Variants in DPP10 observed in about 807,000 individuals in gnomAD.
DPP10 encodes dipeptidyl peptidase like 10.
A neutral mutation model predicts 120.9 loss-of-function variants in DPP10; 33 were observed. The observed-to-expected ratio is 0.27, with a 90% confidence interval of 0.21 to 0.37. The LOEUF is 0.37. DPP10 is among the 10% of genes least tolerant of loss of function. The pLI, the probability that DPP10 is intolerant of heterozygous loss-of-function variation, is 1.00. For missense variants in DPP10, 816 were observed against 942.8 expected (o/e 0.87, Z 1.76); for synonymous variants, 337 against 326.1 (o/e 1.03, Z -0.36).
chr2:115,110,607 GAACT>G (rs913813041), intron 1 of DPP10, among the ~76,000 whole-genome samples: 2 of 151,816 alleles, frequency 1.3e-5, no homozygotes, highest in African/African-American at 2.4e-5. Context: ...TTAAATTAGA[GAACT>G]ATCTATAGCA....
At chr2:114,873,018 C>T (rs1690824566) in intron 1 of DPP10, among the ~76,000 whole-genome samples, 1 of 152,162 alleles carries the variant, frequency 6.6e-6, no homozygotes, top group Non-Finnish European at 1.5e-5. Flanking sequence ...TGTATTAAAT[C>T]ACAAGACTTT....
At chr2:115,815,754 A>G in intron 21 of DPP10, 25 bp downstream of exon 21, 1 of 1,576,286 alleles carries the variant, frequency 6.3e-7, no homozygotes, top group Non-Finnish European at 8.7e-7. Flanking sequence ...TGCTGAATCT[A>G]TCTTTTTATG....
At chr2:115,537,198 A>G (rs1048824973) in intron 5 of DPP10, among the ~76,000 whole-genome samples, 1 of 152,066 alleles carries the variant, frequency 6.6e-6, no homozygotes, top group Non-Finnish European at 1.5e-5. Context: ...ATTGGTACCT[A>G]TATATACTTG....
At chr2:114,506,712 G>T (rs755598700) in intron 1 of DPP10, among the ~76,000 whole-genome samples, 33 of 152,136 alleles carry the variant, frequency 2.2e-4, no homozygotes, top group Non-Finnish European at 4.3e-4. Context: ...TCCCACAAAA[G>T]GTGGAACACA....
At chr2:114,613,754 G>A (rs1400758582) in intron 1 of DPP10, among the ~76,000 whole-genome samples, 2 of 152,164 alleles carry the variant, frequency 1.3e-5, no homozygotes, top group Admixed American at 6.5e-5. Context: ...TAATGAAAAT[G>A]TGGCACATAT....
intron 1 of DPP10, among the ~76,000 whole-genome samples, chr2:114,646,196 A>AAATAAATAAAT (rs1488339134): frequency 2.2e-4 from 33 of 151,250 alleles, no homozygotes; most frequent in African/African-American, 7.8e-4. Context: ...ATAAATAAAT[A>AAATAAATAAAT]AAAAGGGGGA....
intron 1 of DPP10, among the ~76,000 whole-genome samples, chr2:114,538,430 C>T (rs1423972891): frequency 1.3e-5 from 2 of 152,118 alleles, no homozygotes; most frequent in African/African-American, 4.8e-5. Flanking sequence ...GCTGAAGTGT[C>T]CACCTAAAGT....
chr2:115,024,875 GTATA>G (rs1360611838), intron 1 of DPP10, among the ~76,000 whole-genome samples: 1 of 148,648 alleles, frequency 6.7e-6, no homozygotes, highest in East Asian at 2.0e-4. Context: ...TTGAGGTTAT[GTATA>G]TTCCAATTAC....
chr2:115,612,440 A>G (rs17044776), intron 5 of DPP10, among the ~76,000 whole-genome samples: 34,318 of 152,028 alleles, frequency 0.23, 4,360 homozygotes, highest in East Asian at 0.39. Context: ...ACTAACCTCA[A>G]GCCTTATTTT....
chr2:115,702,585 G>A (rs747363013), intron 7 of DPP10, among the ~76,000 whole-genome samples: 4 of 152,074 alleles, frequency 2.6e-5, no homozygotes, highest in Non-Finnish European at 2.9e-5. Context: ...CATGCTAAGT[G>A]AAAGGAGCCA....
At chr2:115,148,948 A>G (rs1005995496) in intron 1 of DPP10, among the ~76,000 whole-genome samples, 1 of 152,140 alleles carries the variant, frequency 6.6e-6, no homozygotes, top group Admixed American at 6.5e-5. Context: ...CAATTTTCAA[A>G]TTGATATGTC....
At chr2:114,657,079 C>T (rs1697018467) in intron 1 of DPP10, among the ~76,000 whole-genome samples, 1 of 152,066 alleles carries the variant, frequency 6.6e-6, no homozygotes, top group South Asian at 2.1e-4. Context: ...TACTAGGTGT[C>T]TCTGCTGTGC....
At chr2:115,626,426 A>T (rs970998389) in intron 5 of DPP10, among the ~76,000 whole-genome samples, 1 of 151,970 alleles carries the variant, frequency 6.6e-6, no homozygotes, top group Non-Finnish European at 1.5e-5. Flanking sequence ...TTCCTAAAAA[A>T]CTCCATCTTA....
chr2:115,720,708 T>A (rs2092628273), intron 7 of DPP10, among the ~76,000 whole-genome samples: 1 of 152,178 alleles, frequency 6.6e-6, no homozygotes, highest in African/African-American at 2.4e-5. Context: ...TTTCCATGTG[T>A]CTCATTTATT....
chr2:115,027,154 A>T (rs1199364587), intron 1 of DPP10, among the ~76,000 whole-genome samples: 4 of 151,936 alleles, frequency 2.6e-5, no homozygotes, highest in Admixed American at 2.6e-4. Flanking sequence ...GAAATGCTAC[A>T]TTTGTATGCT....
intron 2 of DPP10, among the ~76,000 whole-genome samples, chr2:115,343,416 G>T (rs868509844): frequency 6.6e-6 from 1 of 151,940 alleles, no homozygotes; most frequent in Admixed American, 6.6e-5. Context: ...ACCATCTTTG[G>T]TTTTTAACAA....
At chr2:114,862,796 A>G (rs910340039) in intron 1 of DPP10, among the ~76,000 whole-genome samples, 2 of 151,816 alleles carry the variant, frequency 1.3e-5, no homozygotes, top group Non-Finnish European at 2.9e-5. Context: ...TCTACAATAC[A>G]TGAAGTTTAT....
At chr2:114,704,788 G>T (rs72830364) in intron 1 of DPP10, among the ~76,000 whole-genome samples, 1,722 of 152,274 alleles carry the variant, frequency 0.011, 11 homozygotes, top group Middle Eastern at 0.034. Context: ...ATATGTTGAA[G>T]CTCTAACCTC....
At chr2:115,143,560 T>C (rs183837721) in intron 1 of DPP10, among the ~76,000 whole-genome samples, 1 of 152,304 alleles carries the variant, frequency 6.6e-6, no homozygotes, top group Non-Finnish European at 1.5e-5. Context: ...CAAGGCTATA[T>C]TCTAAAATAT....
Sources: allele counts gnomAD v4.1 joint callset (sites outside exome capture counted in the v4.1 genomes callset), GRCh38; gene constraint gnomAD v4.1.1; transcripts MANE v1.5; gene names NCBI Gene and HGNC (gene_info 2026-07-23, HGNC 2026-07-21).